The following CSMD2 variants were observed in gnomAD, a reference collection of about 807,000 sequenced individuals.
CSMD2 encodes CUB and Sushi multiple domains 2, also known as CUB and sushi domain-containing protein 2.
In CSMD2, 130 loss-of-function variants were observed where a neutral mutation model predicts 398.5. The observed-to-expected ratio is 0.33, with a 90% CI of 0.28 to 0.38. The LOEUF (loss-of-function observed/expected upper bound fraction) is 0.38, where lower values mean the gene tolerates loss of function less well. Ranked by LOEUF, CSMD2 falls within the 10% of genes least tolerant of loss-of-function variation. The pLI is 1.00. For synonymous variants in CSMD2, 1,828 were observed against 1,908.5 expected, an observed-to-expected ratio of 0.96 and a Z score of 1.10; for missense variants, 3,829 against 4,764.9, an observed-to-expected ratio of 0.80 and a Z score of 5.78.
intron 60 of CSMD2, 99 bp downstream of exon 60, chr1:33,540,426 G>C: frequency 8.1e-7 from 1 of 1,240,768 alleles, no homozygotes; most frequent in Non-Finnish European, 1.1e-6. Flanking sequence ...TTTGGGGAGG[G>C]GACTACCTAT....
chr1:33,734,822 TACAC>T (rs1398510376), intron 15 of CSMD2, among the ~76,000 whole-genome samples: 1 of 151,618 alleles, frequency 6.6e-6, no homozygotes, highest in Non-Finnish European at 1.5e-5. Flanking sequence ...AAAAAGAAAA[TACAC>T]ACTCACTGTA....
chr1:33,723,115 T>A (rs975940968), intron 19 of CSMD2, among the ~76,000 whole-genome samples: 2 of 152,278 alleles, frequency 1.3e-5, no homozygotes, highest in Admixed American at 1.3e-4. Flanking sequence ...TATTTGTATG[T>A]CCACTCTTGT....
At chr1:33,557,629 CACACACA>C in intron 55 of CSMD2, 98 bp downstream of exon 55, 1 of 849,082 alleles carries the variant, frequency 1.2e-6, no homozygotes, top group Non-Finnish European at 1.7e-6. Flanking sequence ...CACACACACA[CACACACA>C]CACACACACA....
intron 25 of CSMD2, among the ~76,000 whole-genome samples, chr1:33,675,865 T>C (rs1225143783): frequency 7.2e-5 from 11 of 152,214 alleles, no homozygotes; most frequent in Admixed American, 7.2e-4. Flanking sequence ...AACCAGATGA[T>C]TATCTCAATA....
chr1:33,634,539 G>C (rs1055995317), intron 31 of CSMD2, among the ~76,000 whole-genome samples: 4 of 152,170 alleles, frequency 2.6e-5, no homozygotes, highest in Admixed American at 1.3e-4. Flanking sequence ...CAGGAAGAAA[G>C]AAGCCAGCCT....
chr1:33,605,953 T>A (rs1279439628), intron 41 of CSMD2: 1 of 1,613,604 alleles, frequency 6.2e-7, no homozygotes, highest in East Asian at 2.2e-5. Flanking sequence ...TCAAAACCTC[T>A]CAGGAAGGAA....
intron 4 of CSMD2, among the ~76,000 whole-genome samples, chr1:33,931,233 G>T (rs1346107673): frequency 1.3e-4 from 20 of 152,200 alleles, no homozygotes; most frequent in Non-Finnish European, 5.9e-5. Context: ...AGTTCTACAC[G>T]AGAGGAAGAA....
chr1:34,076,928 A>AAAAAAAAAAAAT (rs1232288848), intron 2 of CSMD2, among the ~76,000 whole-genome samples: 9 of 53,596 alleles, frequency 1.7e-4, no homozygotes, highest in African/African-American at 6.0e-4. Context: ...AAAAAAAAAA[A>AAAAAAAAAAAAT]ATATATATAT....
intron 13 of CSMD2, among the ~76,000 whole-genome samples, chr1:33,746,266 T>G (rs573221407): frequency 1.3e-5 from 2 of 151,964 alleles, no homozygotes; most frequent in Non-Finnish European, 2.9e-5. Context: ...ATAATGCAAA[T>G]AATGAGGAAT....
chr1:33,592,421 G>A lies in CSMD2; in HGVS notation c.6857-5253C>T, dbSNP rs1639522679. ...GCTCAGGTGTCCACCTCTGGTCCAA[G>A]CTTCTGTGGCTGGGGGGCAGATGTG... On this transcript the variant is annotated intron_variant, in intron 44 of 70. Coordinates refer to ENST00000373381, the MANE Select transcript of CSMD2 (RefSeq NM_001281956.2). The A allele has an allele frequency of 5.6e-6, 4 of 716,064 alleles. No individual in the cohort carries two copies. The South Asian group carries it at 5.9e-5, about 11-fold the overall frequency. The allele number at this position is 716,064 out of a possible 1,614,324, so 44.4% of individuals were successfully genotyped here. A position where few individuals can be genotyped will look rare whatever the true frequency, so the allele number is the denominator to read the frequency against.
intron 67 of CSMD2, 53 bp from the exon 68 acceptor site, chr1:33,521,603 G>C: frequency 1.8e-6 from 2 of 1,126,290 alleles, no homozygotes; most frequent in Non-Finnish European, 2.7e-6. Flanking sequence ...GAAGGATCTA[G>C]AACTCCTCTC....
intron 2 of CSMD2, among the ~76,000 whole-genome samples, chr1:34,050,612 G>T (rs1653066919): frequency 6.6e-6 from 1 of 152,182 alleles, no homozygotes; most frequent in Non-Finnish European, 1.5e-5. Context: ...TCTCCAGAAG[G>T]CTGTATATGC....
chr1:33,602,249 G>C, intron 43 of CSMD2, 120 bp downstream of exon 43: 2 of 1,045,040 alleles, frequency 1.9e-6, no homozygotes, highest in Non-Finnish European at 2.9e-6. Context: ...GAGGCTGACA[G>C]CCTTTAAAAA....
chr1:33,989,840 T>A (rs917174655), intron 3 of CSMD2, among the ~76,000 whole-genome samples: 1 of 152,036 alleles, frequency 6.6e-6, no homozygotes, highest in Admixed American at 6.6e-5. Flanking sequence ...CGGTCAGGGA[T>A]GGGAGGAGAA....
In CSMD2 at chr1:33,719,825, A is replaced by T. The variant is rs941930384; in HGVS notation, c.3002-3324T>A. ...CGAAGTGAGTCATAACTGGGAAAGT[A>T]TATGCAAAGCACACAGCATAGTGGC... On this transcript the variant is annotated intron_variant, in intron 19 of 70. Coordinates refer to ENST00000373381, the MANE Select transcript of CSMD2 (RefSeq NM_001281956.2). Among the ~76,000 whole-genome samples the T allele has an allele frequency of 1.4e-4, 22 of 152,318 alleles. No individual in the cohort carries two copies. The East Asian group carries it at 4.1e-3, about 28-fold the overall frequency.
Position 33,796,787 on chromosome 1 carries a change from G to T in CSMD2, c.1447-4261C>A, listed in dbSNP as rs10798990. On this transcript the variant is annotated intron_variant, in intron 10 of 70. Transcript: ENST00000373381. ...TTGCAGAGAACCTATAAATGGATGT[G>T]CAAGTAGGGAAGATATTGCTAAATT... Among the ~76,000 whole-genome samples the T allele has an allele frequency of 6.8e-3, 1,029 of 152,298 alleles. 7 individuals are homozygous for T. Among genetic ancestry groups the T allele is most frequent in the Middle Eastern group, 0.014 (4 of 294 alleles).
chr1:33,519,676 T>G lies in CSMD2; in HGVS notation c.10738A>C (p.Arg3580=). The change falls in exon 70 of 71, where the codon AGA becomes CGA. Residue 3580 remains arginine (R), a splice_region_variant and synonymous_variant. Transcript: ENST00000373381. The surrounding 1 kb of genome is among the most constrained non-coding windows in gnomAD (Gnocchi z 5.6). The stretch of plus-strand genomic sequence containing the variant: ...CCATTGAAAGGAACTTTGGGTCTTC[T>G]CCTGGCGATAAAAGAGGAAGTGCCC... ...GFVLYLYKHR[R]RPKVPFNGYA... 6.2e-7 allele frequency: 1 copy of G among 1,613,792 alleles called. No homozygotes were observed. The highest frequency in any genetic ancestry group is 1.1e-5 in the South Asian group (1 of 91,028).
At chr1:33,765,293 G>A (rs1437410393) in intron 13 of CSMD2, among the ~76,000 whole-genome samples, 5 of 152,176 alleles carry the variant, frequency 3.3e-5, no homozygotes, top group Admixed American at 2.6e-4. Context: ...AGGGAGGAAG[G>A]AGTTGTTTCT....
chr1:33,946,972 G>A (rs183819488), intron 3 of CSMD2, among the ~76,000 whole-genome samples: 1 of 152,112 alleles, frequency 6.6e-6, no homozygotes, highest in Non-Finnish European at 1.5e-5. Context: ...TTTTCTGTTT[G>A]TCTGGGTCAG....
Sources: allele counts gnomAD v4.1 joint callset (sites outside exome capture counted in the v4.1 genomes callset), GRCh38; gene constraint gnomAD v4.1.1; non-coding constraint Gnocchi (gnomAD v3.1); transcripts MANE v1.5; gene names NCBI Gene and HGNC (gene_info 2026-07-23, HGNC 2026-07-21).